The following SEMA3D variants were observed in gnomAD, a reference collection of about 807,000 sequenced individuals.
SEMA3D encodes semaphorin 3D, also known as semaphorin-3D.
In SEMA3D, 84 loss-of-function variants were observed where a neutral mutation model predicts 100.1. That is an observed-to-expected ratio of 0.84 (90% CI 0.70 to 1.01). The LOEUF is 1.01. Ranked by LOEUF, SEMA3D falls within the 50% of genes least tolerant of loss-of-function variation. The pLI, the probability that SEMA3D is intolerant of heterozygous loss-of-function variation, is 0.00. For synonymous variants in SEMA3D, 312 were observed against 320.7 expected (o/e 0.97, Z 0.29); for missense variants, 875 against 934.1 (o/e 0.94, Z 0.82).
chr7:85,065,406 C>CA lies in SEMA3D; in HGVS notation c.718+17dup, dbSNP rs201206645. The CA allele has an allele frequency of 3.9e-4, 619 of 1,584,040 alleles. No individual in the cohort carries two copies. Among genetic ancestry groups the CA allele is most frequent in the African/African-American group, 7.9e-4 (58 of 73,760 alleles). The stretch of plus-strand genomic sequence containing the variant: ...CCAAAGCAAGACAATCAAAAGTAAA[C>CA]AAAAAAAAATCACAAACCATTGAGC... On this transcript the variant is annotated intron_variant, in intron 8 of 18. Transcript: ENST00000284136.
chr7:85,224,730 A>G, the SEMA3D span, among the ~76,000 whole-genome samples: 1 of 152,086 alleles, frequency 6.6e-6, no homozygotes, highest in African/African-American at 2.4e-5. Context: ...TTCACCCTAC[A>G]ATACTAATAA....
intron 4 of SEMA3D, among the ~76,000 whole-genome samples, chr7:85,082,080 A>C (rs1016930669): frequency 3.3e-5 from 5 of 152,248 alleles, no homozygotes; most frequent in Admixed American, 2.0e-4. Flanking sequence ...TCTGCCACTT[A>C]GCTAAATGTT....
At chr7:85,147,082 T>TTTTTC (rs1306493240) in intron 2 of SEMA3D, among the ~76,000 whole-genome samples, 5,304 of 124,918 alleles carry the variant, frequency 0.042, 379 homozygotes, top group South Asian at 0.056. Context: ...CTTTCTTTTC[T>TTTTTC]TTTTCTTTTC....
rs375448163 is a variant in SEMA3D, at chr7:85,172,519, T to C, written c.-173+14159A>G. The stretch of plus-strand genomic sequence containing the variant: ...GTATTCTGAGGAATGACCAAGCAGA[T>C]AAAGCAGCATGGAACAAAGATGTAC... On this transcript the variant is annotated intron_variant, in intron 1 of 18. Coordinates refer to ENST00000284136, the MANE Select transcript of SEMA3D (RefSeq NM_001384900.1). 2.6e-5 allele frequency among the ~76,000 whole-genome samples: 4 copies of C among 151,966 alleles called. 1 individual carries two copies. The highest frequency in any genetic ancestry group is 3.9e-4 in the East Asian group (2 of 5,172).
intron 2 of SEMA3D, among the ~76,000 whole-genome samples, chr7:85,145,798 A>G (rs1440312762): frequency 6.6e-6 from 1 of 152,162 alleles, no homozygotes; most frequent in Non-Finnish European, 1.5e-5. Context: ...TGGATACCAA[A>G]ATCTGCTGAT....
rs978455989 is a variant in SEMA3D at position 85,157,707 on chromosome 7, G to A, written c.-172-3968C>T. 35 of 907,590 alleles carry A rather than the reference G, an allele frequency of 3.9e-5. 1 individual carries two copies. The highest frequency in any genetic ancestry group is 1.2e-4 in the Admixed American group (2 of 16,164). 56.2% of individuals were successfully genotyped at this position (907,590 alleles called of 1,614,324 possible). ...AAACAAGCCAACAAAGGCTCTGCTG[G>A]GCAGAGGTGTAGCTCTTCTCCTCAA... On this transcript the variant is annotated intron_variant, in intron 1 of 18. Transcript: ENST00000284136.
intron 15 of SEMA3D, among the ~76,000 whole-genome samples, chr7:85,016,695 C>T (rs1202341997): frequency 6.6e-6 from 1 of 151,710 alleles, no homozygotes; most frequent in African/African-American, 2.4e-5. Context: ...ACTGCCACAC[C>T]AGACTAATCT....
chr7:85,149,664 A>C (rs752103119), intron 2 of SEMA3D, among the ~76,000 whole-genome samples: 57 of 152,266 alleles, frequency 3.7e-4, no homozygotes, highest in Middle Eastern at 6.8e-3. Context: ...GAAGATACTG[A>C]GCTTTTATAG....
At chr7:85,117,762 G>C (rs1195895989) in intron 3 of SEMA3D, among the ~76,000 whole-genome samples, 1 of 136,670 alleles carries the variant, frequency 7.3e-6, no homozygotes, top group African/African-American at 2.8e-5. Context: ...GACAGAGCAA[G>C]AGTATGTATG....
rs750220241 is a variant in SEMA3D, at chr7:84,999,625, T to C, written c.2149A>G (p.Ile717Val). 1.2e-6 allele frequency: 2 copies of C among 1,614,110 alleles called. No individual in the cohort carries two copies. Among genetic ancestry groups the C allele is most frequent in the South Asian group, 1.1e-5 (1 of 91,084 alleles). Reference protein sequence around the residue: ...AESRLRYKDYIQILSSPNFSL... With the variant: ...AESRLRYKDYVQILSSPNFSL... ...AAGTTTGGGCTGCTAAGGATTTGGA[T>C]GTAGTCTTTGTATCTCAACCGTGAC... Residue 717 changes from isoleucine to valine, a missense_variant, in exon 19 of 19, where the codon ATC becomes GTC. Transcript: ENST00000284136.
At chr7:85,115,153 T>C (rs1438074474) in intron 3 of SEMA3D, among the ~76,000 whole-genome samples, 1 of 152,222 alleles carries the variant, frequency 6.6e-6, no homozygotes, top group Non-Finnish European at 1.5e-5. Flanking sequence ...TTATTCACTA[T>C]GACAGGTAAA....
At chr7:85,244,922 G>A in the SEMA3D span, among the ~76,000 whole-genome samples, 1 of 152,060 alleles carries the variant, frequency 6.6e-6, no homozygotes, top group Non-Finnish European at 1.5e-5. Context: ...ACGTTGGCCA[G>A]GATGTTCTTG....
intron 3 of SEMA3D, among the ~76,000 whole-genome samples, chr7:85,104,983 C>T (rs1788869493): frequency 6.6e-6 from 1 of 151,998 alleles, no homozygotes. Context: ...AATACAGTCA[C>T]CTTTCCCTGC....
chr7:85,207,992 T>C, the SEMA3D span, among the ~76,000 whole-genome samples: 1 of 152,040 alleles, frequency 6.6e-6, no homozygotes, highest in African/African-American at 2.4e-5. Flanking sequence ...ATATTGAACA[T>C]GTCTTTCAAA....
intron 9 of SEMA3D, among the ~76,000 whole-genome samples, chr7:85,043,268 A>C (rs1443390032): frequency 6.6e-6 from 1 of 152,056 alleles, no homozygotes; most frequent in Non-Finnish European, 1.5e-5. Flanking sequence ...CTGAAGGAGG[A>C]AGATCACTTA....
intron 3 of SEMA3D, among the ~76,000 whole-genome samples, chr7:85,121,526 A>G (rs982850955): frequency 6.6e-6 from 1 of 152,186 alleles, no homozygotes; most frequent in African/African-American, 2.4e-5. Flanking sequence ...GAATATTATA[A>G]ATACTGGGCT....
intron 1 of SEMA3D, among the ~76,000 whole-genome samples, chr7:85,156,497 T>A (rs1790601805): frequency 6.6e-6 from 1 of 152,134 alleles, no homozygotes; most frequent in Non-Finnish European, 1.5e-5. Context: ...TAATCGAATT[T>A]TCCAGAGTAT....
intron 17 of SEMA3D, among the ~76,000 whole-genome samples, chr7:85,008,861 A>G (rs1274447406): frequency 6.6e-6 from 1 of 151,822 alleles, no homozygotes; most frequent in Non-Finnish European, 1.5e-5. Context: ...TGTTTCATGT[A>G]CAATAATATT....
chr7:85,147,548 C>A (rs1171763805), intron 2 of SEMA3D, among the ~76,000 whole-genome samples: 1 of 151,962 alleles, frequency 6.6e-6, no homozygotes, highest in Non-Finnish European at 1.5e-5. Flanking sequence ...AATTTAATAC[C>A]AGTAATGCAA....
Sources: allele counts gnomAD v4.1 joint callset (sites outside exome capture counted in the v4.1 genomes callset), GRCh38; gene constraint gnomAD v4.1.1; transcripts MANE v1.5; gene names NCBI Gene and HGNC (gene_info 2026-07-23, HGNC 2026-07-21).